Variants in PLCG2 observed in about 807,000 individuals in gnomAD.
PLCG2 encodes the protein 1-phosphatidylinositol 4,5-bisphosphate phosphodiesterase gamma-2.
A neutral mutation model predicts 175.6 loss-of-function variants in PLCG2; 69 were observed. That is an observed-to-expected ratio of 0.39 (90% CI 0.32 to 0.48). The LOEUF is 0.48. PLCG2 is among the 20% of genes least tolerant of loss of function. The pLI is 0.91. For missense variants in PLCG2, 1,798 were observed against 1,650.9 expected, an observed-to-expected ratio of 1.09 and a Z score of -1.54; for synonymous variants, 827 against 624.0, an observed-to-expected ratio of 1.33 and a Z score of -4.85.
intron 17 of PLCG2, among the ~76,000 whole-genome samples, chr16:81,909,226 A>C (rs1290226810): frequency 6.6e-6 from 1 of 152,216 alleles, no homozygotes; most frequent in Non-Finnish European, 1.5e-5. Flanking sequence ...ATGATTTGCA[A>C]GTATAGTTGT....
At chr16:81,747,834 G>A (rs1296309205) in intron 1 of PLCG2, among the ~76,000 whole-genome samples, 3 of 152,126 alleles carry the variant, frequency 2.0e-5, no homozygotes, top group Non-Finnish European at 4.4e-5. Flanking sequence ...CTGGCGGACT[G>A]TTTTAGATTA....
At chr16:81,907,267 T>C (rs886680833) in intron 15 of PLCG2, among the ~76,000 whole-genome samples, 2 of 151,828 alleles carry the variant, frequency 1.3e-5, no homozygotes, top group Non-Finnish European at 2.9e-5. Context: ...TTAACCCTGG[T>C]ACTTTACAAT....
At chr16:81,950,787 C>T (rs1911335261) in intron 31 of PLCG2, among the ~76,000 whole-genome samples, 1 of 152,092 alleles carries the variant, frequency 6.6e-6, no homozygotes, top group Non-Finnish European at 1.5e-5. Flanking sequence ...ACATTTATGC[C>T]ATAGTTACAT....
chr16:81,866,315 C>A (rs1212281355), intron 5 of PLCG2, among the ~76,000 whole-genome samples: 1 of 141,900 alleles, frequency 7.0e-6, no homozygotes, highest in East Asian at 2.2e-4. Flanking sequence ...ATGGGCTCCA[C>A]TGGGGCACCA....
intron 1 of PLCG2, among the ~76,000 whole-genome samples, chr16:81,747,526 C>A (rs558739389): frequency 1.3e-5 from 2 of 151,998 alleles, no homozygotes; most frequent in Non-Finnish European, 2.9e-5. Context: ...CAGAGGAAGA[C>A]TCTGTCTGAA....
At chr16:81,803,000 C>T (rs1384308557) in intron 2 of PLCG2, among the ~76,000 whole-genome samples, 2 of 152,114 alleles carry the variant, frequency 1.3e-5, no homozygotes, top group African/African-American at 4.8e-5. Context: ...TATACATTAG[C>T]AGTCACCTCT....
In PLCG2 at chr16:81,959,737, C is replaced by T. The variant is rs1227095840; in HGVS notation, c.*1739C>T. 3 of 184,866 alleles carry T rather than the reference C, an allele frequency of 1.6e-5. No individual in the cohort carries two copies. The highest frequency in any genetic ancestry group is 3.4e-5 in the Non-Finnish European group (3 of 87,266). The allele number at this position is 184,866 out of a possible 1,614,324, so 11.5% of individuals were successfully genotyped here. ...CACTGGGATGAGTGCTGCAGGCACT[C>T]TGTAGCCAGGGCCCCATTAGCCTTT... On this transcript the variant is annotated 3_prime_UTR_variant, in exon 33 of 33. Coordinates refer to ENST00000564138, the MANE Select transcript of PLCG2 (RefSeq NM_002661.5).
chr16:81,751,195 G>T (rs1597302595), intron 1 of PLCG2, among the ~76,000 whole-genome samples: 3 of 150,262 alleles, frequency 2.0e-5, no homozygotes, highest in East Asian at 4.0e-4. Context: ...TGGCCAGGCT[G>T]GTCTCAAACT....
rs564557688 is a variant in PLCG2 at position 81,962,434 on chromosome 16, T to A, written c.*4436T>A. On this transcript the variant is annotated 3_prime_UTR_variant, in exon 33 of 33. Coordinates refer to ENST00000564138, the MANE Select transcript of PLCG2 (RefSeq NM_002661.5). ...TTTTAATTTTCAAAATATTTTCTTT[T>A]TGAAGAGCCAGATTCCAGTGATCCT... The A allele has an allele frequency of 4.6e-6, 1 of 215,546 alleles. No individual in the cohort carries two copies. Among genetic ancestry groups the A allele is most frequent in the Non-Finnish European group, 9.3e-6 (1 of 107,118 alleles). 13.4% of individuals were successfully genotyped at this position (215,546 alleles called of 1,614,324 possible).
At chr16:81,867,799 G>A (rs911112033) in intron 5 of PLCG2, among the ~76,000 whole-genome samples, 7 of 151,978 alleles carry the variant, frequency 4.6e-5, no homozygotes, top group Non-Finnish European at 7.4e-5. Flanking sequence ...CCGAATTCAC[G>A]CCATTCTTCT....
chr16:81,874,588 G>C lies in PLCG2; in HGVS notation c.648+3653G>C, dbSNP rs190034917. Reference sequence around the variant, plus strand: ...AGAAAAGTACCTGTTTTGTGATTTGGGGGGAATGAGGGCCTAGCTGGATTT... The same window carrying C: ...AGAAAAGTACCTGTTTTGTGATTTGCGGGGAATGAGGGCCTAGCTGGATTT... On this transcript the variant is annotated intron_variant, in intron 7 of 32. Coordinates refer to ENST00000564138, the MANE Select transcript of PLCG2 (RefSeq NM_002661.5). Among the ~76,000 whole-genome samples the C allele has an allele frequency of 2.8e-3, 422 of 152,234 alleles. 3 individuals carry two copies. Among genetic ancestry groups the C allele is most frequent in the African/African-American group, 9.4e-3 (391 of 41,512 alleles).
chr16:81,930,363 G>C (rs762343768), intron 24 of PLCG2, among the ~76,000 whole-genome samples: 1 of 151,988 alleles, frequency 6.6e-6, no homozygotes, highest in Non-Finnish European at 1.5e-5. Flanking sequence ...CTAGTTTCTG[G>C]TGACTCTTTG....
chr16:81,816,998 C>G (rs550685271), intron 2 of PLCG2, among the ~76,000 whole-genome samples: 17 of 152,208 alleles, frequency 1.1e-4, no homozygotes, highest in African/African-American at 4.1e-4. Context: ...ATTTATTGCC[C>G]AGAAGGTGAC....
chr16:81,915,024 AC>A (rs1245052120), intron 19 of PLCG2, among the ~76,000 whole-genome samples: 2 of 152,162 alleles, frequency 1.3e-5, no homozygotes, highest in Non-Finnish European at 2.9e-5. Flanking sequence ...CAGGACACAC[AC>A]TTTTTCAAAC....
chr16:81,802,809 G>C (rs1000199920), intron 2 of PLCG2, among the ~76,000 whole-genome samples: 1 of 152,174 alleles, frequency 6.6e-6, no homozygotes, highest in Non-Finnish European at 1.5e-5. Flanking sequence ...GACCTCAGGT[G>C]ATCCACCCAC....
At position 81,940,015 on chromosome 16, in the gene PLCG2, A is replaced by G. The variant is rs1910874329; in HGVS notation, c.3437A>G (p.Asn1146Ser). Residue 1146 changes from asparagine (N) to serine (S), a missense_variant, in exon 30 of 33, where the codon AAC (asparagine) becomes AGC (serine). Asn to Ser is a conservative substitution (Grantham distance 46, BLOSUM62 1). Transcript: ENST00000564138. ...GAAGAAGATATGTTCAGCGATCCCAACTTTCTTGCTCATGCCACTTACCCC... is the reference window on the plus strand; with the variant it reads ...GAAGAAGATATGTTCAGCGATCCCAGCTTTCTTGCTCATGCCACTTACCCC... ...VYEEDMFSDP[N>S]FLAHATYPIK... The G allele has an allele frequency of 6.2e-7, 1 of 1,613,998 alleles. No individual in the cohort carries two copies. The highest frequency in any genetic ancestry group is 1.7e-5 in the Admixed American group (1 of 60,008).
intron 7 of PLCG2, among the ~76,000 whole-genome samples, chr16:81,877,138 A>C (rs1051287151): frequency 3.3e-5 from 5 of 152,184 alleles, no homozygotes; most frequent in Non-Finnish European, 5.9e-5. Context: ...CCGCTGTGGC[A>C]AGTACTGCAA....
chr16:81,834,636 T>C (rs1336339217), intron 2 of PLCG2, among the ~76,000 whole-genome samples: 1 of 149,662 alleles, frequency 6.7e-6, no homozygotes, highest in Non-Finnish European at 1.5e-5. Context: ...GAGCTGGGGC[T>C]CCTTGAGGGA....
At chr16:81,786,440 T>A (rs910317017) in intron 2 of PLCG2, among the ~76,000 whole-genome samples, 9 of 152,184 alleles carry the variant, frequency 5.9e-5, no homozygotes, top group Non-Finnish European at 1.0e-4. Flanking sequence ...TTCAGGCAGC[T>A]CTCCTTGCCT....
Sources: gnomAD v4.1 joint callset for allele counts (sites outside exome capture counted in the v4.1 genomes callset) on GRCh38, gnomAD v4.1.1 for gene constraint, MANE v1.5 for transcripts, NCBI Gene and HGNC (gene_info 2026-07-23, HGNC 2026-07-21) for gene names.